UGGT2: variants seen among roughly 807,000 people sequenced by gnomAD.
UGGT2 encodes the protein UDP-glucose glycoprotein glucosyltransferase 2, also known as UDP-glucose:glycoprotein glucosyltransferase 2.
UGGT2 carries 180 observed loss-of-function variants against 192.1 expected under a neutral mutation model. That is an observed-to-expected ratio of 0.94 (90% CI 0.83 to 1.06). The LOEUF (loss-of-function observed/expected upper bound fraction) is 1.06. Among genes scored for constraint, UGGT2 ranks in the 50% least tolerant of loss-of-function variants. UGGT2 has a pLI of 0.00. For synonymous variants in UGGT2, 580 were observed against 591.0 expected (o/e 0.98, Z 0.27); for missense variants, 1,849 against 1,795.7 (o/e 1.03, Z -0.54).
At chr13:95,903,676 A>G (rs2048180637) in intron 20 of UGGT2, among the ~76,000 whole-genome samples, 2 of 152,222 alleles carry the variant, frequency 1.3e-5, no homozygotes, top group Admixed American at 1.3e-4. Flanking sequence ...TACTGTACAG[A>G]ATTCCATCAT....
chr13:95,846,411 C>G (rs1487047690), intron 36 of UGGT2, among the ~76,000 whole-genome samples: 4 of 136,682 alleles, frequency 2.9e-5, no homozygotes, highest in African/African-American at 8.1e-5. Context: ...AGAGGGAGAC[C>G]GTGCAGAGGG....
chr13:95,990,634 T>C (rs2051427845), intron 7 of UGGT2: 1 of 152,202 alleles, frequency 6.6e-6, no homozygotes, highest in African/African-American at 2.4e-5. Flanking sequence ...CTTTCCTCTA[T>C]CACTCATGAA....
intron 7 of UGGT2, among the ~76,000 whole-genome samples, chr13:95,992,329 A>G (rs1481654348): frequency 6.6e-6 from 1 of 152,120 alleles, no homozygotes; most frequent in Non-Finnish European, 1.5e-5. Context: ...ATGAGCATGG[A>G]ATGTTTTTCC....
At chr13:95,931,719 C>T (rs2049279976) in intron 17 of UGGT2, among the ~76,000 whole-genome samples, 1 of 152,164 alleles carries the variant, frequency 6.6e-6, no homozygotes, top group Non-Finnish European at 1.5e-5. Flanking sequence ...CCGGCAGCGC[C>T]CGCCGGCCTG....
intron 15 of UGGT2, among the ~76,000 whole-genome samples, chr13:95,943,415 G>A (rs950821029): frequency 1.3e-5 from 2 of 151,734 alleles, no homozygotes; most frequent in African/African-American, 4.8e-5. Flanking sequence ...CCAGCCCCCA[G>A]GTTTCCTAAG....
rs143241501 is a variant in UGGT2 at position 95,818,417 on chromosome 13, C to G, written c.4528+14510G>C. Among the ~76,000 whole-genome samples, 60 of 152,078 alleles carry G rather than the reference C, an allele frequency of 3.9e-4. 1 individual carries two copies. The highest frequency in any genetic ancestry group is 1.4e-3 in the African/African-American group (57 of 41,484). ...TCTTGTTGTTAATAATATATAACAACAAGAAGAAAACAAAACAAAATCCAC... is the reference window on the plus strand; with the variant it reads ...TCTTGTTGTTAATAATATATAACAAGAAGAAGAAAACAAAACAAAATCCAC... On this transcript the variant is annotated intron_variant, in intron 38 of 38. Coordinates refer to ENST00000376747, the MANE Select transcript of UGGT2 (RefSeq NM_020121.4).
intron 5 of UGGT2, among the ~76,000 whole-genome samples, chr13:96,002,190 CT>C (rs1448192169): frequency 6.6e-6 from 1 of 152,162 alleles, no homozygotes; most frequent in Non-Finnish European, 1.5e-5. Flanking sequence ...CCTCTCAGCT[CT>C]GCCTTATCTG....
intron 12 of UGGT2, among the ~76,000 whole-genome samples, chr13:95,958,835 A>G (rs530342812): frequency 2.9e-4 from 44 of 152,166 alleles, no homozygotes; most frequent in Non-Finnish European, 5.1e-4. Context: ...GAGGTTCCCT[A>G]ATGCAAGGAA....
intron 29 of UGGT2, among the ~76,000 whole-genome samples, chr13:95,871,547 T>C (rs1237492792): frequency 6.6e-6 from 1 of 152,184 alleles, no homozygotes; most frequent in East Asian, 1.9e-4. Context: ...AGAGGACTCA[T>C]GTCTGGGAAA....
chr13:96,023,208 T>A, intron 3 of UGGT2, 56 bp from the exon 4 acceptor site: 1 of 1,417,110 alleles, frequency 7.1e-7, no homozygotes, highest in Non-Finnish European at 9.6e-7. Context: ...AATATGATTT[T>A]AAAACCCTCA....
At chr13:95,871,361 T>C (rs1891206019) in intron 29 of UGGT2, among the ~76,000 whole-genome samples, 1 of 152,108 alleles carries the variant, frequency 6.6e-6, no homozygotes, top group African/African-American at 2.4e-5. Context: ...AGGGATTGTG[T>C]GAGATGAAGG....
chr13:95,977,855 T>C (rs2050988233), intron 10 of UGGT2, among the ~76,000 whole-genome samples: 1 of 152,210 alleles, frequency 6.6e-6, no homozygotes, highest in African/African-American at 2.4e-5. Context: ...TGGAATACTA[T>C]GCAGTCATAG....
intron 15 of UGGT2, among the ~76,000 whole-genome samples, chr13:95,942,446 C>T (rs1214109717): frequency 6.6e-6 from 1 of 152,014 alleles, no homozygotes; most frequent in African/African-American, 2.4e-5. Context: ...TTCTTAATTC[C>T]TGCCAAATTA....
chr13:95,845,256 T>C (rs1016266803), intron 36 of UGGT2, among the ~76,000 whole-genome samples: 8 of 151,578 alleles, frequency 5.3e-5, no homozygotes, highest in Admixed American at 2.6e-4. Context: ...AGGACAATAG[T>C]GGAGGGAAGG....
rs753419556 is a variant in UGGT2, at chr13:96,023,011, T to C, written c.485+29A>G. 10 of 1,517,098 alleles carry C rather than the reference T, an allele frequency of 6.6e-6. No individual in the cohort carries two copies. The Admixed American group carries it at 1.9e-4, about 29-fold the overall frequency. The allele number at this position is 1,517,098 out of a possible 1,614,324, so 94.0% of individuals were successfully genotyped here. ...TTGAACTCTCCTCTCTATAACCACT[T>C]CTTTCATTATAGGCTATTATTAATT... On this transcript the variant is annotated intron_variant, in intron 4 of 38. Coordinates refer to ENST00000376747, the MANE Select transcript of UGGT2 (RefSeq NM_020121.4).
intron 38 of UGGT2, among the ~76,000 whole-genome samples, chr13:95,818,348 T>G (rs1258856183): frequency 6.6e-6 from 1 of 152,214 alleles, no homozygotes; most frequent in Admixed American, 6.5e-5. Context: ...GACATCTGTT[T>G]CCAGAACAAC....
intron 36 of UGGT2, among the ~76,000 whole-genome samples, chr13:95,851,344 A>G (rs576675350): frequency 2.0e-4 from 30 of 152,338 alleles, no homozygotes; most frequent in African/African-American, 6.5e-4. Flanking sequence ...AGAGACAGAG[A>G]TAAGATTTGG....
chr13:95,902,522 A>C (rs1594274559), intron 21 of UGGT2, among the ~76,000 whole-genome samples: 1 of 150,510 alleles, frequency 6.6e-6, no homozygotes, highest in African/African-American at 2.4e-5. Flanking sequence ...CATCGTTGAA[A>C]CCCCCCCCAT....
At chr13:95,975,035 C>T (rs138881841) in intron 10 of UGGT2, among the ~76,000 whole-genome samples, 5 of 152,164 alleles carry the variant, frequency 3.3e-5, no homozygotes, top group Admixed American at 6.5e-5. Context: ...GAGCTGAGAT[C>T]GCACCACTGC....
Sources: gnomAD v4.1 joint callset for allele counts (sites outside exome capture counted in the v4.1 genomes callset) on GRCh38, gnomAD v4.1.1 for gene constraint, MANE v1.5 for transcripts, NCBI Gene and HGNC (gene_info 2026-07-23, HGNC 2026-07-21) for gene names.